ZC2HC1B: variants seen among roughly 807,000 people sequenced by gnomAD.
ZC2HC1B encodes the protein zinc finger C2HC-type containing 1B.
ZC2HC1B carries 36 observed loss-of-function variants against 31.0 expected under a neutral mutation model. That is an observed-to-expected ratio of 1.16 (90% CI 0.89 to 1.54). ZC2HC1B has a LOEUF of 1.54. ZC2HC1B is among the 40% of genes most tolerant of loss of function. The pLI, the probability that ZC2HC1B is intolerant of heterozygous loss-of-function variation, is 0.00. For missense variants in ZC2HC1B, 260 were observed against 268.6 expected, an observed-to-expected ratio of 0.97 and a Z score of 0.22; for synonymous variants, 73 against 88.0, an observed-to-expected ratio of 0.83 and a Z score of 0.95.
At chr6:143,910,182 G>A (rs1319219965) in intron 6 of ZC2HC1B, among the ~76,000 whole-genome samples, 1 of 152,142 alleles carries the variant, frequency 6.6e-6, no homozygotes, top group Admixed American at 6.5e-5. Flanking sequence ...TTCAGGAGCA[G>A]GTTCCATGTA....
chr6:143,907,344 G>A (rs931402539), intron 6 of ZC2HC1B, among the ~76,000 whole-genome samples: 1 of 152,156 alleles, frequency 6.6e-6, no homozygotes, highest in Non-Finnish European at 1.5e-5. Context: ...CTAGATCTTT[G>A]AGGAATCACC....
rs1777903710 is a variant in ZC2HC1B at position 143,915,228 on chromosome 6, G to A, written c.598+12076G>A. On this transcript the variant is annotated intron_variant, in intron 6 of 7. Transcript: ENST00000237275. This position sits in a 1 kb window ranked among gnomAD's most constrained non-coding sequence, Gnocchi z 5.2. ...ACAATGAGTAAGTCTCACGAGATCT[G>A]ATGGTTTTAAAAAGAGGAGTTCCCC... Among the ~76,000 whole-genome samples the A allele has an allele frequency of 6.6e-6, 1 of 152,150 alleles. No homozygotes were observed. Among genetic ancestry groups the A allele is most frequent in the Non-Finnish European group, 1.5e-5 (1 of 68,030 alleles).
Position 143,895,913 on chromosome 6 carries a change from A to G in ZC2HC1B, c.350-2639A>G, listed in dbSNP as rs1281243794. ...TAGGACATGGTGATTTTATGAAAAC[A>G]TTATTGATAGAGGAAGAGAGGTGAC... On this transcript the variant is annotated intron_variant, in intron 4 of 7. Transcript: ENST00000237275. This position sits in a 1 kb window ranked among gnomAD's most constrained non-coding sequence, Gnocchi z 4.8. Among the ~76,000 whole-genome samples, 2 of 152,240 alleles carry G rather than the reference A, an allele frequency of 1.3e-5. No individual in the cohort carries two copies. The highest frequency in any genetic ancestry group is 2.9e-5 in the Non-Finnish European group (2 of 68,046).
chr6:143,873,659 G>T (rs772096267), intron 1 of ZC2HC1B, among the ~76,000 whole-genome samples: 4 of 152,234 alleles, frequency 2.6e-5, no homozygotes, highest in Non-Finnish European at 5.9e-5. Context: ...CCATATGGAA[G>T]CTGCCAAGGC....
At chr6:143,925,536 CTTT>C (rs36007959) in intron 6 of ZC2HC1B, among the ~76,000 whole-genome samples, 8 of 104,910 alleles carry the variant, frequency 7.6e-5, no homozygotes, top group Non-Finnish European at 1.1e-4. Flanking sequence ...CTTTTCTTTT[CTTT>C]TTTTTTTTTT....
Position 143,871,596 on chromosome 6 carries a change from C to G in ZC2HC1B, c.28+7029C>G, listed in dbSNP as rs570874001. ...CTCTCATTCTTCCAGATCCATCTGT[C>G]TTCTGCACAGGCCAAATGGGAGAGT... On this transcript the variant is annotated intron_variant, in intron 1 of 7. Transcript: ENST00000237275. This position sits in a 1 kb window ranked among gnomAD's most constrained non-coding sequence, Gnocchi z 4.1. Among the ~76,000 whole-genome samples, 6 of 152,330 alleles carry G rather than the reference C, an allele frequency of 3.9e-5. No homozygotes were observed. Among genetic ancestry groups the G allele is most frequent in the Admixed American group, 3.3e-4 (5 of 15,304 alleles).
chr6:143,881,526 G>A (rs1233286835), intron 1 of ZC2HC1B, among the ~76,000 whole-genome samples: 1 of 141,570 alleles, frequency 7.1e-6, no homozygotes, highest in Non-Finnish European at 1.5e-5. Flanking sequence ...ACCCTAGCCT[G>A]GGTGAAAGAC....
chr6:143,886,762 T>A lies in ZC2HC1B; in HGVS notation c.290T>A (p.Met97Lys), dbSNP rs1777534601. 1 of 1,549,664 alleles carries A rather than the reference T, an allele frequency of 6.5e-7. No homozygotes were observed. Among genetic ancestry groups the A allele is most frequent in the Non-Finnish European group, 8.7e-7 (1 of 1,146,078 alleles). Residue 97 changes from methionine (M) to lysine (K), a missense_variant, in exon 4 of 8, where the codon ATG becomes AAG. Physicochemically the swap from Met to Lys is moderately conservative, Grantham distance 95 (BLOSUM62 -1). Transcript: ENST00000237275. This position sits in a 1 kb window ranked among gnomAD's most constrained non-coding sequence, Gnocchi z 4.2. The stretch of plus-strand genomic sequence containing the variant: ...GCAATCCGATCAGCAAAGCAGTGTA[T>A]GCTAGCCATTAAAGAAGGCCGACCC... ...INAIRSAKQC[M>K]LAIKEGRPLP...
chr6:143,867,679 A>C (rs1453801827), intron 1 of ZC2HC1B, among the ~76,000 whole-genome samples: 1 of 152,240 alleles, frequency 6.6e-6, no homozygotes, highest in Non-Finnish European at 1.5e-5. Context: ...GCCAAACATG[A>C]CAAGTGTAGA....
At position 143,921,938 on chromosome 6, in the gene ZC2HC1B, TA is replaced by T. The variant is rs367757140; in HGVS notation, c.599-15703del. On this transcript the variant is annotated intron_variant, in intron 6 of 7. Transcript: ENST00000237275. The surrounding 1 kb of genome is among the most constrained non-coding windows in gnomAD (Gnocchi z 6.1). ...GGTGACAAAGTAAGTCCTTTTCTCTTAAAAAAAATAAAAATAAAGTTGCTAG... is the reference window on the plus strand; with the variant it reads ...GGTGACAAAGTAAGTCCTTTTCTCTTAAAAAAATAAAAATAAAGTTGCTAG... Among the ~76,000 whole-genome samples, 6 of 151,894 alleles carry T rather than the reference TA, an allele frequency of 4.0e-5. No individual in the cohort carries two copies. Among genetic ancestry groups the T allele is most frequent in the African/African-American group, 7.3e-5 (3 of 41,316 alleles).
At position 143,875,644 on chromosome 6, in the gene ZC2HC1B, C is replaced by G. The variant is rs187660656; in HGVS notation, c.29-8660C>G. Among the ~76,000 whole-genome samples the G allele has an allele frequency of 5.3e-5, 8 of 150,704 alleles. No homozygotes were observed. In the South Asian group the frequency reaches 1.7e-3, roughly 33 times the overall value. On this transcript the variant is annotated intron_variant, in intron 1 of 7. Transcript: ENST00000237275. ...ATATAAGTTAGAAAACAATTCTTTT[C>G]GAGTGTATCGCACCTCCTCATGGGT...
In ZC2HC1B at chr6:143,883,374, C is replaced by T. The variant is rs1037330457; in HGVS notation, c.29-930C>T. Among the ~76,000 whole-genome samples the T allele has an allele frequency of 2.0e-5, 3 of 152,168 alleles. No homozygotes were observed. Among genetic ancestry groups the T allele is most frequent in the African/African-American group, 7.2e-5 (3 of 41,452 alleles). On this transcript the variant is annotated intron_variant, in intron 1 of 7. Transcript: ENST00000237275. The surrounding 1 kb of genome is among the most constrained non-coding windows in gnomAD (Gnocchi z 4.1). ...TTTTTCACTAAACTCCGCTCTTCTC[C>T]CACTATACTCGCAATCCATTTGCCC...
At chr6:143,875,328 A>AT (rs1777392637) in intron 1 of ZC2HC1B, among the ~76,000 whole-genome samples, 1 of 136,946 alleles carries the variant, frequency 7.3e-6, no homozygotes, top group African/African-American at 2.7e-5. Flanking sequence ...TAAAGTGACT[A>AT]ATCCACTCCA....
At chr6:143,925,121 T>G (rs975424996) in intron 6 of ZC2HC1B, among the ~76,000 whole-genome samples, 1 of 151,858 alleles carries the variant, frequency 6.6e-6, no homozygotes, top group African/African-American at 2.4e-5. Flanking sequence ...GGTGCTGAGC[T>G]TTTCTTTGTT....
intron 6 of ZC2HC1B, among the ~76,000 whole-genome samples, chr6:143,916,577 G>T (rs1370916018): frequency 6.6e-6 from 1 of 152,230 alleles, no homozygotes; most frequent in Non-Finnish European, 1.5e-5. Flanking sequence ...GCAGCCAGGA[G>T]GGGCTGTATC....
intron 4 of ZC2HC1B, among the ~76,000 whole-genome samples, chr6:143,888,344 C>T (rs1777555648): frequency 6.6e-6 from 1 of 151,966 alleles, no homozygotes; most frequent in African/African-American, 2.4e-5. Context: ...TTGAGTTCTG[C>T]AAAATATACT....
chr6:143,889,729 ACTCTT>A (rs1285259394), intron 4 of ZC2HC1B, among the ~76,000 whole-genome samples: 2 of 152,120 alleles, frequency 1.3e-5, no homozygotes, highest in African/African-American at 4.8e-5. Flanking sequence ...AGATTTTATC[ACTCTT>A]CTCTTAGTAA....
intron 6 of ZC2HC1B, among the ~76,000 whole-genome samples, chr6:143,920,328 C>T (rs1432316772): frequency 1.3e-5 from 2 of 152,108 alleles, no homozygotes; most frequent in African/African-American, 2.4e-5. Context: ...TGGGAAAAGA[C>T]AGCATGTCAG....
chr6:143,925,317 A>G (rs1778022543), intron 6 of ZC2HC1B, among the ~76,000 whole-genome samples: 2 of 151,062 alleles, frequency 1.3e-5, no homozygotes, highest in South Asian at 4.2e-4. Flanking sequence ...CTGGGAGTAT[A>G]GGCACCCGCC....
Sources: allele counts gnomAD v4.1 joint callset (sites outside exome capture counted in the v4.1 genomes callset), GRCh38; gene constraint gnomAD v4.1.1; non-coding constraint Gnocchi (gnomAD v3.1); transcripts MANE v1.5; gene names NCBI Gene and HGNC (gene_info 2026-07-23, HGNC 2026-07-21).